Variants in CNOT10 observed in about 807,000 individuals in gnomAD.
CNOT10 encodes CCR4-NOT transcription complex subunit 10, also known as CCR4-NOT transcription complex, subunit 10.
Under a neutral mutation model 94.6 loss-of-function variants are expected in CNOT10, and 30 were observed. The observed-to-expected ratio is 0.32, with a 90% CI of 0.24 to 0.43. The LOEUF (loss-of-function observed/expected upper bound fraction) is 0.43, where lower values mean the gene tolerates loss of function less well. Ranked by LOEUF, CNOT10 falls within the 20% of genes least tolerant of loss-of-function variation. The pLI is 1.00. For missense variants in CNOT10, 759 were observed against 877.2 expected (o/e 0.87, Z 1.70); for synonymous variants, 289 against 301.6 (o/e 0.96, Z 0.43).
chr3:32,708,335 T>G (rs1357694991), intron 3 of CNOT10, among the ~76,000 whole-genome samples: 1 of 152,196 alleles, frequency 6.6e-6, no homozygotes, highest in Non-Finnish European at 1.5e-5. Context: ...GTTGTGAGAC[T>G]AGGAGATGGG....
chr3:32,762,166 TAAA>T (rs556098480), intron 14 of CNOT10, among the ~76,000 whole-genome samples: 6 of 110,138 alleles, frequency 5.4e-5, no homozygotes, highest in Non-Finnish European at 1.9e-5. Flanking sequence ...GGTCCCCAGT[TAAA>T]AAAAAAAAAA....
chr3:32,695,484 C>A, intron 1 of CNOT10: 1 of 1,270,442 alleles, frequency 7.9e-7, no homozygotes, highest in Non-Finnish European at 1.1e-6. Context: ...AGCTTGTAGT[C>A]TCCACCAATC....
chr3:32,695,385 T>G (rs774816362), intron 1 of CNOT10, among the ~76,000 whole-genome samples: 1 of 152,110 alleles, frequency 6.6e-6, no homozygotes, highest in Non-Finnish European at 1.5e-5. Flanking sequence ...CTGTGATTGT[T>G]GATTTCCTTA....
At chr3:32,742,393 C>T (rs7611843) in intron 13 of CNOT10, among the ~76,000 whole-genome samples, 30,357 of 150,960 alleles carry the variant, frequency 0.2, 3,195 homozygotes, top group Middle Eastern at 0.26. Context: ...TCATTGTTGC[C>T]GTTGTTCTGA....
intron 17 of CNOT10, chr3:32,768,995 C>G (rs1221876780): frequency 2.2e-4 from 33 of 152,260 alleles, no homozygotes; most frequent in Admixed American, 2.2e-3. Flanking sequence ...ATATTCACAG[C>G]ACATTCACTG....
intron 13 of CNOT10, among the ~76,000 whole-genome samples, chr3:32,748,480 A>G (rs889718567): frequency 6.6e-6 from 1 of 152,132 alleles, no homozygotes; most frequent in African/African-American, 2.4e-5. Flanking sequence ...ATTGATCGCA[A>G]TAGAATAATG....
At chr3:32,690,754 G>A (rs112192926) in intron 1 of CNOT10, among the ~76,000 whole-genome samples, 2,944 of 151,964 alleles carry the variant, frequency 0.019, 42 homozygotes, top group East Asian at 0.047. Context: ...TCACCATGTT[G>A]GCCAGGCTGG....
chr3:32,716,824 AT>A (rs1698146367), intron 6 of CNOT10, among the ~76,000 whole-genome samples: 1 of 151,860 alleles, frequency 6.6e-6, no homozygotes, highest in Admixed American at 6.6e-5. Context: ...AATTTTTTGT[AT>A]TTTTAGTAGA....
intron 13 of CNOT10, 32 bp downstream of exon 13, chr3:32,737,522 T>A: frequency 7.3e-7 from 1 of 1,363,388 alleles, no homozygotes; most frequent in Non-Finnish European, 1.0e-6. Context: ...GCATTGCATC[T>A]ATTGAAATGA....
chr3:32,769,866 A>G (rs749366475), intron 17 of CNOT10, 21 bp from the exon 18 acceptor site: 1 of 1,606,164 alleles, frequency 6.2e-7, no homozygotes, highest in Non-Finnish European at 8.5e-7. Context: ...TTTCACGGGC[A>G]TCTTTCTGTT....
At chr3:32,765,038 T>C (rs1299638218) in intron 17 of CNOT10, 1 of 1,406,774 alleles carries the variant, frequency 7.1e-7, no homozygotes, top group East Asian at 3.5e-5. Context: ...AAAAAAAATT[T>C]TTTTTTGCCA....
chr3:32,721,148 C>G (rs1448737054), intron 8 of CNOT10, among the ~76,000 whole-genome samples: 1 of 149,508 alleles, frequency 6.7e-6, no homozygotes, highest in Non-Finnish European at 1.5e-5. Context: ...CAGCCTCCAC[C>G]TCCCTCCCGG....
chr3:32,752,182 A>G (rs956364729), intron 13 of CNOT10, among the ~76,000 whole-genome samples: 2 of 152,092 alleles, frequency 1.3e-5, no homozygotes, highest in African/African-American at 2.4e-5. Context: ...CAGCTAGTCA[A>G]GAAGGCTGAG....
intron 1 of CNOT10, among the ~76,000 whole-genome samples, chr3:32,692,224 G>A (rs1352772176): frequency 1.3e-5 from 2 of 152,144 alleles, no homozygotes; most frequent in African/African-American, 4.8e-5. Flanking sequence ...TTAGCTGGGT[G>A]TGGTGGCATG....
intron 11 of CNOT10, 50 bp downstream of exon 11, chr3:32,733,594 A>G: frequency 8.4e-7 from 1 of 1,184,932 alleles, no homozygotes; most frequent in Non-Finnish European, 1.2e-6. Flanking sequence ...ACTAGTTTAC[A>G]TAATGTTACT....
rs1266993173 is a variant in CNOT10, at chr3:32,713,389, C to T, written c.573+20C>T. Reference sequence around the variant, plus strand: ...AATGAGGTGAGTCTTTAGAGGTGATCAGACTAAAATCTAAAATGTGATTAA... The same window carrying T: ...AATGAGGTGAGTCTTTAGAGGTGATTAGACTAAAATCTAAAATGTGATTAA... On this transcript the variant is annotated intron_variant, in intron 5 of 18. Transcript: ENST00000328834. 2 of 1,555,808 alleles carry T rather than the reference C, an allele frequency of 1.3e-6. No individual in the cohort carries two copies. The highest frequency in any genetic ancestry group is 8.6e-7 in the Non-Finnish European group (1 of 1,156,944).
At position 32,726,971 on chromosome 3, in the gene CNOT10, C is replaced by T. The variant is rs143830333; in HGVS notation, c.1013-697C>T. On this transcript the variant is annotated intron_variant, in intron 9 of 18. Transcript: ENST00000328834. ...AAGCAATTTTCCTGCCTCAGCCTCC[C>T]GAGTAGCTGGGACTACAGGCACATG... 4.5e-3 allele frequency among the ~76,000 whole-genome samples: 680 copies of T among 151,052 alleles called. 2 individuals are homozygous for T. Among genetic ancestry groups the T allele is most frequent in the Non-Finnish European group, 8.0e-3 (544 of 67,816 alleles).
At position 32,764,486 on chromosome 3, in the gene CNOT10, A is replaced by G. The variant is rs754972243; in HGVS notation, c.1872A>G (p.Glu624=). 3 of 1,613,714 alleles carry G rather than the reference A, an allele frequency of 1.9e-6. No individual in the cohort carries two copies. The highest frequency in any genetic ancestry group is 2.2e-5 in the East Asian group (1 of 44,890). The change falls in exon 16 of 19, where the codon GAA becomes GAG. Residue 624 remains glutamate, a synonymous_variant. Transcript: ENST00000328834. ...ACAAAGGTGAAAATGAAGCAATGGA[A>G]TCCTGTAAGTAAGAAGTTTTGTGAT... is the stretch of plus-strand genomic sequence containing the variant. The part of the protein sequence containing the change: ...GSDKGENEAM[E]SSGKRAPQCY...
At chr3:32,753,371 AC>A in intron 13 of CNOT10, 1 of 1,346,540 alleles carries the variant, frequency 7.4e-7, no homozygotes, top group East Asian at 2.3e-5. Context: ...CATTACACTT[AC>A]GATCAAGAAT....
Sources: gnomAD v4.1 joint callset for allele counts (sites outside exome capture counted in the v4.1 genomes callset) on GRCh38, gnomAD v4.1.1 for gene constraint, MANE v1.5 for transcripts, NCBI Gene and HGNC (gene_info 2026-07-23, HGNC 2026-07-21) for gene names.